The following GMDS variants were observed in gnomAD, a reference collection of about 807,000 sequenced individuals.
GMDS encodes GDP-mannose 4,6 dehydratase.
A neutral mutation model predicts 49.9 loss-of-function variants in GMDS; 20 were observed. The ratio of observed to expected loss-of-function variants is 0.40; its 90% CI spans 0.28 to 0.58. GMDS has a LOEUF of 0.58. Ranked by LOEUF, GMDS falls within the 20% of genes least tolerant of loss-of-function variation. The probability of loss-of-function intolerance (pLI) is 0.42; values close to 1 mark genes in which losing one functional copy is unlikely to be tolerated. For missense variants in GMDS, 362 were observed against 481.4 expected (o/e 0.75, Z 2.32); for synonymous variants, 177 against 178.6 (o/e 0.99, Z 0.07).
intron 4 of GMDS, among the ~76,000 whole-genome samples, chr6:2,036,323 CA>C (rs1769304003): frequency 6.6e-6 from 1 of 152,042 alleles, no homozygotes; most frequent in South Asian, 2.1e-4. Flanking sequence ...CTAAACACAT[CA>C]GTATAACAGA....
intron 7 of GMDS, among the ~76,000 whole-genome samples, chr6:1,927,713 T>A (rs76315695): frequency 6.6e-6 from 1 of 152,226 alleles, no homozygotes; most frequent in African/African-American, 2.4e-5. Context: ...GGAAGTGAGA[T>A]GACAGCAGCG....
intron 1 of GMDS, among the ~76,000 whole-genome samples, chr6:2,197,043 C>T (rs1779302392): frequency 6.6e-6 from 1 of 152,094 alleles, no homozygotes. Context: ...AGCAGCAGTC[C>T]CACACCCTTC....
chr6:1,959,985 T>G lies in GMDS; in HGVS notation c.539-14A>C. The stretch of plus-strand genomic sequence containing the variant: ...GTTTTGCTGCCCCTGTTGGAATAAT[T>G]TTTTTTAAGCAATGAAGTTTGTTGT... On this transcript the variant is annotated splice_polypyrimidine_tract_variant and intron_variant, in intron 5 of 10. Coordinates refer to ENST00000380815, the MANE Select transcript of GMDS (RefSeq NM_001500.4). The G allele has an allele frequency of 6.6e-7, 1 of 1,521,218 alleles. No individual in the cohort carries two copies. The highest frequency in any genetic ancestry group is 9.0e-7 in the Non-Finnish European group (1 of 1,106,122). The allele number at this position is 1,521,218 out of a possible 1,614,324, so 94.2% of individuals were successfully genotyped here. A position where few individuals can be genotyped will look rare whatever the true frequency, so the allele number is the denominator to read the frequency against.
chr6:1,631,707 G>A (rs1763008604), intron 9 of GMDS, among the ~76,000 whole-genome samples: 1 of 151,850 alleles, frequency 6.6e-6, no homozygotes, highest in Non-Finnish European at 1.5e-5. Flanking sequence ...ACGTAACAGG[G>A]TCATTCAAAC....
chr6:1,885,830 G>A (rs912052037), intron 7 of GMDS, among the ~76,000 whole-genome samples: 4 of 152,190 alleles, frequency 2.6e-5, no homozygotes, highest in Non-Finnish European at 5.9e-5. Flanking sequence ...TCCAGCCGCA[G>A]GCAGAGGGGC....
At chr6:2,066,986 T>A (rs1430258034) in intron 4 of GMDS, among the ~76,000 whole-genome samples, 1 of 151,786 alleles carries the variant, frequency 6.6e-6, no homozygotes, top group Non-Finnish European at 1.5e-5. Flanking sequence ...ACACCACACC[T>A]ATTCCAAAAT....
chr6:1,790,568 T>G (rs970664927), intron 7 of GMDS, among the ~76,000 whole-genome samples: 6 of 152,250 alleles, frequency 3.9e-5, no homozygotes, highest in Admixed American at 6.5e-5. Context: ...AAATTTTACA[T>G]GAAGTTTCCA....
At position 2,014,113 on chromosome 6, in the gene GMDS, T is replaced by TCC. The variant is rs11315361; in HGVS notation, c.346-53149_346-53148dup. On this transcript the variant is annotated intron_variant, in intron 4 of 10. Coordinates refer to ENST00000380815, the MANE Select transcript of GMDS (RefSeq NM_001500.4). ...TAAAATTTTATATACAACAAAATTA[T>TCC]CCCCCCCCCCCAAAAAAATAAAAAT... 5.9e-5 allele frequency among the ~76,000 whole-genome samples: 7 copies of TCC among 118,672 alleles called. No individual in the cohort carries two copies. The East Asian group carries it at 8.4e-4, about 14-fold the overall frequency. The allele number at this position is 118,672 out of a possible 152,430, so 77.9% of individuals were successfully genotyped here.
chr6:2,175,776 T>C (rs1008982307), intron 1 of GMDS, among the ~76,000 whole-genome samples: 4 of 152,190 alleles, frequency 2.6e-5, no homozygotes, highest in Admixed American at 6.5e-5. Context: ...TAAGAGTAAT[T>C]ATTATTTTTA....
At chr6:2,000,327 T>G (rs9503068) in intron 4 of GMDS, among the ~76,000 whole-genome samples, 275 of 151,154 alleles carry the variant, frequency 1.8e-3, no homozygotes, top group African/African-American at 5.8e-3. Flanking sequence ...GAGCCACCAC[T>G]CCCGGACAGT....
chr6:1,922,180 C>T (rs1761748425), intron 7 of GMDS, among the ~76,000 whole-genome samples: 1 of 152,180 alleles, frequency 6.6e-6, no homozygotes, highest in Non-Finnish European at 1.5e-5. Flanking sequence ...TTACACAATG[C>T]CTTCCCCTCT....
chr6:1,832,050 AG>A (rs1207624317), intron 7 of GMDS, among the ~76,000 whole-genome samples: 1 of 152,052 alleles, frequency 6.6e-6, no homozygotes, highest in African/African-American at 2.4e-5. Flanking sequence ...CACTAAGTGA[AG>A]GTAGGGTACA....
intron 4 of GMDS, among the ~76,000 whole-genome samples, chr6:2,073,520 T>C (rs533189890): frequency 6.6e-6 from 1 of 152,326 alleles, no homozygotes; most frequent in African/African-American, 2.4e-5. Context: ...AAGTCCTCTC[T>C]TCTAGCTGCT....
chr6:1,653,693 T>A (rs981194300), intron 9 of GMDS, among the ~76,000 whole-genome samples: 9 of 152,254 alleles, frequency 5.9e-5, no homozygotes, highest in African/African-American at 2.2e-4. Flanking sequence ...AAGACCACAC[T>A]ACGGGGAAAG....
chr6:1,786,894 C>T (rs147849215), intron 7 of GMDS, among the ~76,000 whole-genome samples: 33 of 151,890 alleles, frequency 2.2e-4, no homozygotes, highest in Middle Eastern at 3.4e-3. Context: ...AAATGTACAA[C>T]GGAAGTGAGT....
chr6:1,859,291 T>C (rs1331714239), intron 7 of GMDS, among the ~76,000 whole-genome samples: 2 of 152,106 alleles, frequency 1.3e-5, no homozygotes, highest in African/African-American at 2.4e-5. Flanking sequence ...GCTTGGACAA[T>C]GGCCCTCTAC....
At chr6:2,218,779 C>A (rs1448284990) in intron 1 of GMDS, among the ~76,000 whole-genome samples, 1 of 152,200 alleles carries the variant, frequency 6.6e-6, no homozygotes, top group Admixed American at 6.5e-5. Context: ...TACGTGCCAA[C>A]AACCCTGAAA....
chr6:2,237,445 G>A (rs959896040), intron 1 of GMDS, among the ~76,000 whole-genome samples: 101 of 151,528 alleles, frequency 6.7e-4, no homozygotes, highest in African/African-American at 2.3e-3. Flanking sequence ...ACTTCTGGAA[G>A]TGTGAGATTC....
chr6:1,742,318 C>A, intron 8 of GMDS, 150 bp downstream of exon 8: 4 of 561,312 alleles, frequency 7.1e-6, no homozygotes, highest in Non-Finnish European at 1.3e-5. Context: ...GGATGCAGAG[C>A]AGAGCAAAGG....
Sources: allele counts gnomAD v4.1 joint callset (sites outside exome capture counted in the v4.1 genomes callset), GRCh38; gene constraint gnomAD v4.1.1; transcripts MANE v1.5; gene names NCBI Gene and HGNC (gene_info 2026-07-23, HGNC 2026-07-21).